The following GALNT14 variants were observed in gnomAD, a reference collection of about 807,000 sequenced individuals.
GALNT14 encodes the protein polypeptide N-acetylgalactosaminyltransferase 14, also known as UDP-GalNAc:polypeptide N-acetylgalactosaminyltransferase 14.
In GALNT14, 60 loss-of-function variants were observed where a neutral mutation model predicts 77.5. That is an observed-to-expected ratio of 0.77 (90% CI 0.63 to 0.96). The LOEUF (loss-of-function observed/expected upper bound fraction) is 0.96. Ranked by LOEUF, GALNT14 falls within the 40% of genes least tolerant of loss-of-function variation. The pLI, the probability that GALNT14 is intolerant of heterozygous loss-of-function variation, is 0.00. For synonymous variants in GALNT14, 280 were observed against 281.7 expected, an observed-to-expected ratio of 0.99 and a Z score of 0.06; for missense variants, 710 against 731.0, an observed-to-expected ratio of 0.97 and a Z score of 0.33.
chr2:31,109,275 A>G (rs957880860), intron 1 of GALNT14, among the ~76,000 whole-genome samples: 5 of 152,362 alleles, frequency 3.3e-5, no homozygotes, highest in African/African-American at 9.6e-5. Flanking sequence ...AAGACAGCAG[A>G]TGAAAGAGTG....
At chr2:31,020,562 T>A (rs1426574300) in intron 1 of GALNT14, among the ~76,000 whole-genome samples, 1 of 152,180 alleles carries the variant, frequency 6.6e-6, no homozygotes, top group Non-Finnish European at 1.5e-5. Context: ...CCAAGACACC[T>A]GACACCCCGG....
intron 13 of GALNT14, among the ~76,000 whole-genome samples, chr2:30,921,413 T>G (rs1278096617): frequency 1.3e-5 from 2 of 152,222 alleles, no homozygotes; most frequent in Non-Finnish European, 2.9e-5. Context: ...GAGCAAATTA[T>G]GTCATTCTCA....
At chr2:31,129,568 C>T (rs951669758) in intron 1 of GALNT14, 8 of 985,272 alleles carry the variant, frequency 8.1e-6, no homozygotes, top group Non-Finnish European at 8.4e-6. Flanking sequence ...GGCCTGATCT[C>T]CCTGAGATCC....
chr2:30,958,733 G>T (rs1367924628), intron 3 of GALNT14, among the ~76,000 whole-genome samples: 1 of 152,058 alleles, frequency 6.6e-6, no homozygotes, highest in Non-Finnish European at 1.5e-5. Context: ...AAACCCCACA[G>T]CAAATCAGTA....
chr2:30,938,747 G>A (rs1347168115), intron 9 of GALNT14, among the ~76,000 whole-genome samples: 2 of 152,186 alleles, frequency 1.3e-5, no homozygotes, highest in Admixed American at 6.5e-5. Context: ...ACCAAGATGG[G>A]GTAGGGCAAG....
chr2:30,918,561 G>A (rs947355634), intron 13 of GALNT14, among the ~76,000 whole-genome samples: 4 of 152,224 alleles, frequency 2.6e-5, no homozygotes, highest in African/African-American at 9.7e-5. Context: ...GAGCTATACT[G>A]GAGGCAGGGA....
intron 6 of GALNT14, among the ~76,000 whole-genome samples, chr2:30,951,060 T>C (rs1038023330): frequency 6.6e-6 from 1 of 152,200 alleles, no homozygotes. Flanking sequence ...GCAATTCACA[T>C]ATACACCCCC....
At chr2:31,017,247 G>A (rs1167990482) in intron 1 of GALNT14, among the ~76,000 whole-genome samples, 1 of 152,196 alleles carries the variant, frequency 6.6e-6, no homozygotes, top group East Asian at 1.9e-4. Context: ...AAGCCAGGAT[G>A]TTCTTCCTGT....
intron 13 of GALNT14, among the ~76,000 whole-genome samples, chr2:30,913,916 AT>A (rs1273652709): frequency 6.6e-6 from 1 of 152,238 alleles, no homozygotes; most frequent in African/African-American, 2.4e-5. Flanking sequence ...ATAAAAAGTC[AT>A]GAGATACATT....
intron 1 of GALNT14, among the ~76,000 whole-genome samples, chr2:31,074,685 G>C (rs973539520): frequency 6.6e-6 from 1 of 152,268 alleles, no homozygotes; most frequent in African/African-American, 2.4e-5. Context: ...AGAGAAAAAA[G>C]AGAGAGAGGG....
At chr2:30,889,475 C>T in the GALNT14 span, among the ~76,000 whole-genome samples, 1 of 152,150 alleles carries the variant, frequency 6.6e-6, no homozygotes, top group Non-Finnish European at 1.5e-5. Context: ...TTACCCTAGC[C>T]CTCTACTTCT....
At chr2:30,930,499 C>A (rs1018069971) in intron 10 of GALNT14, among the ~76,000 whole-genome samples, 5 of 152,220 alleles carry the variant, frequency 3.3e-5, no homozygotes. Flanking sequence ...GACAGAGAGA[C>A]AGACACTAAG....
At chr2:31,092,735 TG>T (rs1178778943) in intron 1 of GALNT14, among the ~76,000 whole-genome samples, 1 of 152,198 alleles carries the variant, frequency 6.6e-6, no homozygotes. Flanking sequence ...TGTCATTACA[TG>T]TATTCACAGA....
At chr2:31,040,767 G>A (rs1277966370) in intron 1 of GALNT14, among the ~76,000 whole-genome samples, 2 of 152,184 alleles carry the variant, frequency 1.3e-5, no homozygotes, top group African/African-American at 4.8e-5. Flanking sequence ...AGCCCTGCAG[G>A]TGGAAGCTTG....
intron 1 of GALNT14, among the ~76,000 whole-genome samples, chr2:31,110,293 T>C (rs1243632948): frequency 2.0e-5 from 3 of 152,224 alleles, no homozygotes; most frequent in Non-Finnish European, 4.4e-5. Flanking sequence ...CACTATTCTC[T>C]GGCTAAGCAC....
intron 5 of GALNT14, 50 bp downstream of exon 5, chr2:30,955,862 G>C: frequency 6.2e-7 from 1 of 1,611,120 alleles, no homozygotes; most frequent in Non-Finnish European, 8.5e-7. Flanking sequence ...TCACACCTTC[G>C]ACCCCCCGAC....
Position 30,944,921 on chromosome 2 carries a change from AAGTGGAGGCTCC to A in GALNT14, c.752_763del (p.Trp251_His254del). 1 of 1,610,322 alleles carries A rather than the reference AAGTGGAGGCTCC, an allele frequency of 6.2e-7. No individual in the cohort carries two copies. Among genetic ancestry groups the A allele is most frequent in the Non-Finnish European group, 8.5e-7 (1 of 1,177,562 alleles). On this transcript the variant is annotated inframe_deletion, in exon 8 of 15. Transcript: ENST00000349752. ...CTCTGGGGAGAGCTGCTCCCACTGG[AAGTGGAGGCTCC>A]AGTCAAACCCTACAACACAGCACCA... is the stretch of plus-strand genomic sequence containing the variant.
chr2:30,932,045 G>C, intron 10 of GALNT14, 23 bp downstream of exon 10: 1 of 1,490,624 alleles, frequency 6.7e-7, no homozygotes, highest in East Asian at 2.6e-5. Context: ...CTGCCCACCC[G>C]CGCTGAGCCC....
At chr2:30,907,813 A>G (rs1303919359), downstream of GALNT14, among the ~76,000 whole-genome samples, 1 of 148,660 alleles carries the variant, frequency 6.7e-6, no homozygotes, top group Admixed American at 6.8e-5. Flanking sequence ...AATCCTCAAT[A>G]AAATACTGAC....
Sources: allele counts gnomAD v4.1 joint callset (sites outside exome capture counted in the v4.1 genomes callset), GRCh38; gene constraint gnomAD v4.1.1; transcripts MANE v1.5; gene names NCBI Gene and HGNC (gene_info 2026-07-23, HGNC 2026-07-21).